The following PRPF8 variants were observed in gnomAD, a reference collection of about 807,000 sequenced individuals.
The protein encoded by PRPF8 is pre-mRNA-processing-splicing factor 8.
A neutral mutation model predicts 285.9 loss-of-function variants in PRPF8; 64 were observed. The ratio of observed to expected loss-of-function variants is 0.22; its 90% CI spans 0.18 to 0.28. PRPF8 has a LOEUF of 0.28. PRPF8 is among the 10% of genes least tolerant of loss of function. The probability of loss-of-function intolerance (pLI) is 1.00; values close to 1 mark genes in which losing one functional copy is unlikely to be tolerated. For missense variants in PRPF8, 1,426 were observed against 3,026.7 expected, an observed-to-expected ratio of 0.47 and a Z score of 12.41; for synonymous variants, 1,325 against 1,118.2, an observed-to-expected ratio of 1.18 and a Z score of -3.69.
Position 1,651,643 on chromosome 17 carries a change from A to G in PRPF8, c.6510+5T>C, listed in dbSNP as rs764321683. ...ACACTCCCAGGCTCCATCACTCCCC[A>G]TTACCTTGAGGTACTCATGCTGGGG... On this transcript the variant is annotated splice_donor_5th_base_variant and intron_variant, in intron 40 of 42. Transcript: ENST00000304992. This position sits in a 1 kb window ranked among gnomAD's most constrained non-coding sequence, Gnocchi z 5.1. The G allele has an allele frequency of 1.5e-5, 25 of 1,614,132 alleles. No individual in the cohort carries two copies. The South Asian group carries it at 2.2e-4, about 14-fold the overall frequency.
intron 36 of PRPF8, 36 bp downstream of exon 36, chr17:1,656,353 GCTC>G (rs1567677047): frequency 1.4e-5 from 22 of 1,612,804 alleles, no homozygotes; most frequent in Non-Finnish European, 1.8e-5. Flanking sequence ...CCCTAAACCC[GCTC>G]CTCCTCCAGC....
In PRPF8 at chr17:1,650,682, G is replaced by A; in HGVS notation, c.*120C>T. On this transcript the variant is annotated 3_prime_UTR_variant, in exon 43 of 43. Coordinates refer to ENST00000304992, the MANE Select transcript of PRPF8 (RefSeq NM_006445.4). ...TTTTATTCAGGATGACAAGCCATCA[G>A]GAGGTCAACAACACAAGCACAGACA... The A allele has an allele frequency of 8.9e-7, 1 of 1,121,250 alleles. No individual in the cohort carries two copies. The highest frequency in any genetic ancestry group is 1.5e-5 in the African/African-American group (1 of 64,780). 69.5% of individuals were successfully genotyped at this position (1,121,250 alleles called of 1,614,324 possible). A position where few individuals can be genotyped will look rare whatever the true frequency, so the allele number is the denominator to read the frequency against.
In PRPF8 at chr17:1,681,637, G is replaced by A. The variant is rs1912930182; in HGVS notation, c.707C>T (p.Ser236Leu). 6.2e-7 allele frequency: 1 copy of A among 1,614,078 alleles called. No homozygotes were observed. The highest frequency in any genetic ancestry group is 8.5e-7 in the Non-Finnish European group (1 of 1,180,028). The change falls in exon 6 of 43, where the codon TCG (serine) becomes TTG (leucine). Residue 236 changes from serine to leucine, a missense_variant. Coordinates refer to ENST00000304992, the MANE Select transcript of PRPF8 (RefSeq NM_006445.4). ...QRWQFTLPMM[S>L]TLYRLANQLL... is the part of the protein sequence containing the mutation. Reference sequence around the variant, plus strand: ...CTGATTAGCCAGGCGGTAGAGAGTCGACATCATAGGTAGTGTGAACTGCCA... The same window carrying A: ...CTGATTAGCCAGGCGGTAGAGAGTCAACATCATAGGTAGTGTGAACTGCCA...
intron 34 of PRPF8, among the ~76,000 whole-genome samples, chr17:1,657,785 G>A (rs28642363): frequency 0.047 from 6,986 of 149,576 alleles, 470 homozygotes; most frequent in African/African-American, 0.15. Context: ...TGGCTAACAC[G>A]TTGAAACCCT....
At position 1,673,664 on chromosome 17, in the gene PRPF8, C is replaced by G. The variant is rs1006680642; in HGVS notation, c.3446+82G>C. 234 of 1,611,890 alleles carry G rather than the reference C, an allele frequency of 1.5e-4. No homozygotes were observed. Among genetic ancestry groups the G allele is most frequent in the Non-Finnish European group, 1.2e-4 (144 of 1,179,208 alleles). On this transcript the variant is annotated intron_variant, in intron 22 of 42. Transcript: ENST00000304992. The surrounding 1 kb of genome is among the most constrained non-coding windows in gnomAD (Gnocchi z 5.5). The stretch of plus-strand genomic sequence containing the variant: ...TCCTGACACAGCCACGCCTCTCCCA[C>G]CCAGGACGCAGCCTCAGGTATGCCC...
At chr17:1,669,296 G>C (rs1286164689) in intron 24 of PRPF8, among the ~76,000 whole-genome samples, 1 of 152,056 alleles carries the variant, frequency 6.6e-6, no homozygotes, top group African/African-American at 2.4e-5. Context: ...TAGTAGAGAC[G>C]GGGTTTCACC....
Position 1,653,627 on chromosome 17 carries a change from T to A in PRPF8, c.6284A>T (p.Asp2095Val). The change falls in exon 39 of 43, where the codon GAC (aspartate) becomes GTC (valine). Residue 2095 changes from aspartate to valine, a missense_variant. Physicochemically the swap from Asp to Val is radical, Grantham distance 152. Around this residue, in one of 34 missense-constraint regions of PRPF8, gnomAD observed 160 missense variants for 373.7 expected, o/e 0.43. Transcript: ENST00000304992. The surrounding 1 kb of genome is among the most constrained non-coding windows in gnomAD (Gnocchi z 4.9). ...GGTGTAGCCAGTCTCCTTGATGTCG[T>A]CAGATGAAACATAGATGTGATTGGT... ...LRTNHIYVSS[D>V]DIKETGYTYI... The A allele has an allele frequency of 6.2e-7, 1 of 1,614,168 alleles. No individual in the cohort carries two copies. Among genetic ancestry groups the A allele is most frequent in the Non-Finnish European group, 8.5e-7 (1 of 1,180,010 alleles).
At chr17:1,680,500 C>G (rs1912854499) in intron 8 of PRPF8, 1 of 608,606 alleles carries the variant, frequency 1.6e-6, no homozygotes, top group African/African-American at 1.8e-5. Context: ...TCTAGAGCAC[C>G]CAAGAAAAGA....
At chr17:1,669,761 C>A (rs1173620740) in intron 24 of PRPF8, among the ~76,000 whole-genome samples, 1 of 152,164 alleles carries the variant, frequency 6.6e-6, no homozygotes, top group South Asian at 2.1e-4. Context: ...CAATTCTGGA[C>A]ACGTGTTCCT....
At chr17:1,668,859 C>T (rs1597239248) in intron 24 of PRPF8, among the ~76,000 whole-genome samples, 1 of 152,240 alleles carries the variant, frequency 6.6e-6, no homozygotes, top group Non-Finnish European at 1.5e-5. Flanking sequence ...AACACACCTT[C>T]CAATCCCTCT....
chr17:1,677,983 CT>C (rs1440855557), intron 13 of PRPF8, among the ~76,000 whole-genome samples: 1 of 152,100 alleles, frequency 6.6e-6, no homozygotes, highest in Non-Finnish European at 1.5e-5. Flanking sequence ...GGAAAGAGCC[CT>C]GTCTAAATGT....
rs557155351 is a variant in PRPF8, at chr17:1,679,009, G to A, written c.1599+8C>T. 10 of 1,614,040 alleles carry A rather than the reference G, an allele frequency of 6.2e-6. No homozygotes were observed. The highest frequency in any genetic ancestry group is 1.1e-5 in the South Asian group (1 of 91,084). ...GCCCAGGAGGCCCCTAGGGTCCAATGCAGGCACCTTGGTGGTGAGCGTTTT... is the reference window on the plus strand; with the variant it reads ...GCCCAGGAGGCCCCTAGGGTCCAATACAGGCACCTTGGTGGTGAGCGTTTT... On this transcript the variant is annotated splice_region_variant and intron_variant, in intron 11 of 42. Coordinates refer to ENST00000304992, the MANE Select transcript of PRPF8 (RefSeq NM_006445.4). The surrounding 1 kb of genome is among the most constrained non-coding windows in gnomAD (Gnocchi z 4.7).
Position 1,651,923 on chromosome 17 carries a change from C to G in PRPF8, c.6370-135G>C. The G allele has an allele frequency of 1.7e-6, 2 of 1,146,268 alleles. No homozygotes were observed. Among genetic ancestry groups the G allele is most frequent in the Non-Finnish European group, 2.6e-6 (2 of 774,242 alleles). 71.0% of individuals were successfully genotyped at this position (1,146,268 alleles called of 1,614,324 possible). A position where few individuals can be genotyped will look rare whatever the true frequency, so the allele number is the denominator to read the frequency against. On this transcript the variant is annotated intron_variant, in intron 39 of 42. Coordinates refer to ENST00000304992, the MANE Select transcript of PRPF8 (RefSeq NM_006445.4). This position sits in a 1 kb window ranked among gnomAD's most constrained non-coding sequence, Gnocchi z 5.1. The stretch of plus-strand genomic sequence containing the variant: ...AAAACGTGATCAGAACCCCCTGTAT[C>G]AGAATCAGCTGGGGTGCTTGTTCAA...
chr17:1,684,738 A>C (rs1456844021), intron 1 of PRPF8, 42 bp downstream of exon 1: 7 of 690,950 alleles, frequency 1.0e-5, no homozygotes, highest in Non-Finnish European at 1.8e-5. Context: ...GCCCGACCCG[A>C]CCACGCCTCC....
rs1317609556 is a variant in PRPF8 at position 1,658,825 on chromosome 17, A to C, written c.5139-62T>G. On this transcript the variant is annotated intron_variant, in intron 32 of 42. Coordinates refer to ENST00000304992, the MANE Select transcript of PRPF8 (RefSeq NM_006445.4). This position sits in a 1 kb window ranked among gnomAD's most constrained non-coding sequence, Gnocchi z 4.1. ...GAATGACAGCCCCAGAAACAAGACA[A>C]GCTGCCAACTCTACAGAGGAAGAAA... 2 of 1,400,264 alleles carry C rather than the reference A, an allele frequency of 1.4e-6. No homozygotes were observed. Among genetic ancestry groups the C allele is most frequent in the South Asian group, 1.2e-5 (1 of 86,506 alleles). The allele number at this position is 1,400,264 out of a possible 1,614,324, so 86.7% of individuals were successfully genotyped here. A position where few individuals can be genotyped will look rare whatever the true frequency, so the allele number is the denominator to read the frequency against.
intron 6 of PRPF8, 86 bp downstream of exon 6, chr17:1,681,392 T>C (rs903234490): frequency 6.4e-6 from 9 of 1,413,474 alleles, no homozygotes; most frequent in South Asian, 5.8e-5. Flanking sequence ...AACAGACTAA[T>C]TTGGAAGTTA....
Position 1,675,010 on chromosome 17 carries a change from T to C in PRPF8, c.3060+142A>G. 1.0e-6 allele frequency: 1 copy of C among 973,548 alleles called. No individual in the cohort carries two copies. The allele number at this position is 973,548 out of a possible 1,614,324, so 60.3% of individuals were successfully genotyped here. ...GACTGGTCTCGAACTCCTGACCTCGTGATCTGCCCGCCTCAGCCTCCCAAA... is the reference window on the plus strand; with the variant it reads ...GACTGGTCTCGAACTCCTGACCTCGCGATCTGCCCGCCTCAGCCTCCCAAA... On this transcript the variant is annotated intron_variant, in intron 20 of 42. Transcript: ENST00000304992. This position sits in a 1 kb window ranked among gnomAD's most constrained non-coding sequence, Gnocchi z 6.0.
Position 1,684,777 on chromosome 17 carries a change from C to G in PRPF8, c.-12+3G>C. The G allele has an allele frequency of 1.6e-6, 1 of 627,094 alleles. No homozygotes were observed. Among genetic ancestry groups the G allele is most frequent in the Non-Finnish European group, 2.9e-6 (1 of 349,314 alleles). The allele number at this position is 627,094 out of a possible 1,614,324, so 38.8% of individuals were successfully genotyped here. A position where few individuals can be genotyped will look rare whatever the true frequency, so the allele number is the denominator to read the frequency against. ...AGCCCGGCCTTAAACGCCTGCCACGCACCCCACAGGCCCTCACACAAGAGG... is the reference window on the plus strand; with the variant it reads ...AGCCCGGCCTTAAACGCCTGCCACGGACCCCACAGGCCCTCACACAAGAGG... On this transcript the variant is annotated splice_donor_region_variant and intron_variant, in intron 1 of 42. Transcript: ENST00000304992.
At position 1,658,971 on chromosome 17, in the gene PRPF8, C is replaced by T. The variant is rs1368973387; in HGVS notation, c.5139-208G>A. ...ACTTAGGTAAAGTAAAAAAGTATGA[C>T]TACGTTAAAGTATGGAGCTAATGGA... On this transcript the variant is annotated intron_variant, in intron 32 of 42. Coordinates refer to ENST00000304992, the MANE Select transcript of PRPF8 (RefSeq NM_006445.4). This position sits in a 1 kb window ranked among gnomAD's most constrained non-coding sequence, Gnocchi z 4.1. 4.4e-6 allele frequency: 3 copies of T among 688,846 alleles called. No individual in the cohort carries two copies. In the African/African-American group the frequency reaches 5.3e-5, roughly 12 times the overall value. 42.7% of individuals were successfully genotyped at this position (688,846 alleles called of 1,614,324 possible).
Sources: gnomAD v4.1 joint callset for allele counts (sites outside exome capture counted in the v4.1 genomes callset) on GRCh38, gnomAD v4.1.1 for gene constraint, gnomAD v4.1.1 regional missense constraint, Gnocchi (gnomAD v3.1) non-coding constraint, MANE v1.5 for transcripts, NCBI Gene and HGNC (gene_info 2026-07-23, HGNC 2026-07-21) for gene names.